Variants in NUP50 observed in about 807,000 individuals in gnomAD.
The protein encoded by NUP50 is nuclear pore complex protein Nup50.
Under a neutral mutation model 36.8 loss-of-function variants are expected in NUP50, and 14 were observed. The ratio of observed to expected loss-of-function variants is 0.38; its 90% CI spans 0.25 to 0.59. The LOEUF is 0.59. NUP50 is among the 20% of genes least tolerant of loss of function. The pLI is 0.63. For synonymous variants in NUP50, 195 were observed against 210.8 expected, an observed-to-expected ratio of 0.93 and a Z score of 0.65; for missense variants, 455 against 564.6, an observed-to-expected ratio of 0.81 and a Z score of 1.97.
rs983068550 is a variant in NUP50, at chr22:45,178,737, T to C, written c.840T>C (p.Ser280=). Residue 280 remains serine, a synonymous_variant, in exon 5 of 8, where the codon TCT becomes TCC. Coordinates refer to ENST00000347635, the MANE Select transcript of NUP50 (RefSeq NM_007172.4). The part of the protein sequence containing the change: ...SFNFGKKVDS[S]VLGSLSSVPL... ...ATTTCGGCAAGAAAGTTGATAGCTC[T>C]GTTTTGGGCTCATTAAGCTCTGTCC... The C allele has an allele frequency of 3.7e-6, 6 of 1,613,660 alleles. No homozygotes were observed. The Admixed American group carries it at 5.0e-5, about 13-fold the overall frequency.
At chr22:45,183,167 A>T (rs904076566) in intron 6 of NUP50, among the ~76,000 whole-genome samples, 2 of 151,130 alleles carry the variant, frequency 1.3e-5, no homozygotes, top group South Asian at 4.2e-4. Context: ...AAAAAGTTTC[A>T]TGGGGCCCAC....
chr22:45,183,551 C>A, intron 7 of NUP50, 31 bp downstream of exon 7: 1 of 1,266,264 alleles, frequency 7.9e-7, no homozygotes, highest in South Asian at 1.2e-5. Flanking sequence ...AGCACAAAAT[C>A]ATCATCACAT....
rs893147536 is a variant in NUP50 at position 45,181,552 on chromosome 22, C to T, written c.1085+185C>T. Among the ~76,000 whole-genome samples the T allele has an allele frequency of 5.9e-5, 9 of 152,224 alleles. No homozygotes were observed. The South Asian group carries it at 1.5e-3, about 25-fold the overall frequency. On this transcript the variant is annotated intron_variant, in intron 6 of 7. Transcript: ENST00000347635. ...TTAAAAATCCAGTTCTAGAAATGTC[C>T]TGGTGGGCAGGTCTCACTCTTTTCT... is the stretch of plus-strand genomic sequence containing the variant.
At chr22:45,171,003 A>G (rs1164561727) in intron 2 of NUP50, 2 of 1,304,184 alleles carry the variant, frequency 1.5e-6, no homozygotes, top group Admixed American at 2.3e-5. Flanking sequence ...AAGAAGGGCT[A>G]TAAACTAAAG....
chr22:45,171,072 T>G, intron 2 of NUP50: 1 of 1,301,890 alleles, frequency 7.7e-7, no homozygotes, highest in Non-Finnish European at 1.0e-6. Flanking sequence ...TGAGTGTGCT[T>G]TGAGCGCACT....
chr22:45,184,665 G>C lies in NUP50; in HGVS notation c.*10G>C. The C allele has an allele frequency of 1.2e-6, 2 of 1,606,758 alleles. No individual in the cohort carries two copies. Among genetic ancestry groups the C allele is most frequent in the Non-Finnish European group, 1.7e-6 (2 of 1,176,722 alleles). ...GAAAAAGGATGCCTGAACACGCAAA[G>C]TCGGCTGCAGAATTATTGCCAAGTT... On this transcript the variant is annotated 3_prime_UTR_variant, in exon 8 of 8. Coordinates refer to ENST00000347635, the MANE Select transcript of NUP50 (RefSeq NM_007172.4).
intron 6 of NUP50, among the ~76,000 whole-genome samples, 154 bp from the exon 7 acceptor site, chr22:45,183,248 A>C (rs557308916): frequency 6.6e-6 from 1 of 152,304 alleles, no homozygotes; most frequent in Admixed American, 6.5e-5. Context: ...GTTTTTGCTC[A>C]GGCTCTGTTT....
intron 3 of NUP50, among the ~76,000 whole-genome samples, chr22:45,173,344 T>G (rs2074227306): frequency 1.3e-5 from 2 of 151,652 alleles, no homozygotes; most frequent in Non-Finnish European, 1.5e-5. Flanking sequence ...AGGTGTTTTT[T>G]TTTTTTTTTT....
Position 45,178,656 on chromosome 22 carries a change from G to A in NUP50, c.759G>A (p.Val253=), listed in dbSNP as rs756641529. ...ATACACCTGACAAGAAGATGGAGGTGGCATCTGAAAAGAAAACGGACCCAT... is the reference window on the plus strand; with the variant it reads ...ATACACCTGACAAGAAGATGGAGGTAGCATCTGAAAAGAAAACGGACCCAT... ...TEDTPDKKME[V]ASEKKTDPSS... The change falls in exon 5 of 8, where the codon GTG becomes GTA. Residue 253 remains valine, a synonymous_variant. Transcript: ENST00000347635. 6.2e-7 allele frequency: 1 copy of A among 1,611,924 alleles called. No individual in the cohort carries two copies. The highest frequency in any genetic ancestry group is 1.7e-5 in the Admixed American group (1 of 60,006).
intron 6 of NUP50, among the ~76,000 whole-genome samples, chr22:45,182,206 T>G (rs2074384174): frequency 6.6e-6 from 1 of 152,068 alleles, no homozygotes; most frequent in African/African-American, 2.4e-5. Context: ...TTTGGGAGGC[T>G]GAGACAGGCA....
At chr22:45,171,540 G>A (rs980803659) in intron 2 of NUP50, 60 bp from the exon 3 acceptor site, 2 of 1,433,292 alleles carry the variant, frequency 1.4e-6, no homozygotes, top group Non-Finnish European at 9.8e-7. Context: ...TGTTGTTGTT[G>A]AGGATTTTGT....
At chr22:45,173,629 A>C (rs1433283063) in intron 3 of NUP50, among the ~76,000 whole-genome samples, 5 of 152,164 alleles carry the variant, frequency 3.3e-5, no homozygotes, top group South Asian at 4.1e-4. Flanking sequence ...GATTGAGGCC[A>C]TGGGAATGGG....
Position 45,171,688 on chromosome 22 carries a change from G to T in NUP50, c.153+5G>T. Reference sequence around the variant, plus strand: ...CGCAGAAATGTTGGATTTGAAGTGAGTGCCCCCTTACAGCTCTTGCTATTA... The same window carrying T: ...CGCAGAAATGTTGGATTTGAAGTGATTGCCCCCTTACAGCTCTTGCTATTA... On this transcript the variant is annotated splice_donor_5th_base_variant and intron_variant, in intron 3 of 7. Transcript: ENST00000347635. 1 of 1,612,842 alleles carries T rather than the reference G, an allele frequency of 6.2e-7. No individual in the cohort carries two copies. Among genetic ancestry groups the T allele is most frequent in the Non-Finnish European group, 8.5e-7 (1 of 1,178,828 alleles).
chr22:45,169,136 A>C (rs983278352), intron 2 of NUP50, among the ~76,000 whole-genome samples: 1 of 152,152 alleles, frequency 6.6e-6, no homozygotes, highest in African/African-American at 2.4e-5. Flanking sequence ...TCCTGACCTC[A>C]AGTGATCCAC....
In NUP50 at chr22:45,171,013, G is replaced by A; in HGVS notation, c.70-587G>A. The A allele has an allele frequency of 3.8e-6, 5 of 1,304,116 alleles. No homozygotes were observed. In the South Asian group the frequency reaches 4.9e-5, roughly 13 times the overall value. The allele number at this position is 1,304,116 out of a possible 1,614,324, so 80.8% of individuals were successfully genotyped here. Reference sequence around the variant, plus strand: ...GGTAAAAGAAGGGCTATAAACTAAAGCCGAAGATATTCAGCAGCTTTCTGA... The same window carrying A: ...GGTAAAAGAAGGGCTATAAACTAAAACCGAAGATATTCAGCAGCTTTCTGA... On this transcript the variant is annotated intron_variant, in intron 2 of 7. Coordinates refer to ENST00000347635, the MANE Select transcript of NUP50 (RefSeq NM_007172.4).
intron 1 of NUP50, among the ~76,000 whole-genome samples, chr22:45,167,243 C>T (rs1021731926): frequency 5.9e-5 from 9 of 152,124 alleles, no homozygotes; most frequent in Middle Eastern, 3.4e-3. Context: ...AGTTTTTGGG[C>T]GAGGTGGGTA....
rs144597230 is a variant in NUP50 at position 45,174,987 on chromosome 22, C to A, written c.154-907C>A. On this transcript the variant is annotated intron_variant, in intron 3 of 7. Transcript: ENST00000347635. Reference sequence around the variant, plus strand: ...AATTTTTTTTTTTTTCTGGTGAAATCATGGTTATAATTCACTCATGTGGAA... The same window carrying A: ...AATTTTTTTTTTTTTCTGGTGAAATAATGGTTATAATTCACTCATGTGGAA... Among the ~76,000 whole-genome samples, 20 of 150,376 alleles carry A rather than the reference C, an allele frequency of 1.3e-4. No homozygotes were observed. The East Asian group carries it at 3.7e-3, about 28-fold the overall frequency.
chr22:45,181,547 A>G (rs2074372606), intron 6 of NUP50, among the ~76,000 whole-genome samples, 180 bp downstream of exon 6: 2 of 137,514 alleles, frequency 1.5e-5, no homozygotes, highest in South Asian at 2.4e-4. Flanking sequence ...AGTTCTAGAA[A>G]TGTCCTGGTG....
At chr22:45,166,277 C>CTT (rs1569041258) in intron 1 of NUP50, 7 of 113,142 alleles carry the variant, frequency 6.2e-5, no homozygotes, top group African/African-American at 2.2e-4. Context: ...ATTTTTTTTT[C>CTT]TTTTTCTTTT....
Sources: allele counts gnomAD v4.1 joint callset (sites outside exome capture counted in the v4.1 genomes callset), GRCh38; gene constraint gnomAD v4.1.1; transcripts MANE v1.5; gene names NCBI Gene and HGNC (gene_info 2026-07-23, HGNC 2026-07-21).